The following GLIS3 variants were observed in gnomAD, a reference collection of about 807,000 sequenced individuals.
The protein encoded by GLIS3 is GLIS family zinc finger 3, also known as zinc finger protein GLIS3.
GLIS3 carries 53 observed loss-of-function variants against 78.6 expected under a neutral mutation model. That is an observed-to-expected ratio of 0.67 (90% CI 0.54 to 0.85). The LOEUF (loss-of-function observed/expected upper bound fraction) is 0.85, where lower values mean the gene tolerates loss of function less well. GLIS3 is among the 40% of genes least tolerant of loss of function. The pLI is 0.00. For synonymous variants in GLIS3, 684 were observed against 509.9 expected (o/e 1.34, Z -4.60); for missense variants, 1,703 against 1,231.1 (o/e 1.38, Z -5.74).
At chr9:4,268,505 C>A (rs976813277) in intron 2 of GLIS3, among the ~76,000 whole-genome samples, 1 of 152,070 alleles carries the variant, frequency 6.6e-6, no homozygotes, top group Non-Finnish European at 1.5e-5. Context: ...TGATATAGAG[C>A]GTTCTGAAAG....
intron 8 of GLIS3, among the ~76,000 whole-genome samples, chr9:3,864,653 T>C (rs1032281493): frequency 2.0e-5 from 3 of 152,258 alleles, no homozygotes; most frequent in Admixed American, 2.0e-4. Flanking sequence ...GTGCTGTTTA[T>C]AGTGCTTTTT....
At chr9:4,372,872 G>A in the GLIS3 span, among the ~76,000 whole-genome samples, 1 of 152,156 alleles carries the variant, frequency 6.6e-6, no homozygotes, top group African/African-American at 2.4e-5. Context: ...AGCAATGATA[G>A]GGACTCCACC....
At chr9:3,991,405 GC>G (rs1187668857) in intron 4 of GLIS3, among the ~76,000 whole-genome samples, 8 of 152,082 alleles carry the variant, frequency 5.3e-5, no homozygotes, top group Non-Finnish European at 1.0e-4. Flanking sequence ...ACAAGAGACA[GC>G]ATAAATAAAA....
chr9:3,897,995 G>A (rs535806626), intron 7 of GLIS3, among the ~76,000 whole-genome samples: 3 of 152,222 alleles, frequency 2.0e-5, no homozygotes, highest in African/African-American at 7.2e-5. Flanking sequence ...CATATGTAAG[G>A]ACAATCACTA....
At chr9:4,362,876 C>G in the GLIS3 span, among the ~76,000 whole-genome samples, 2 of 151,864 alleles carry the variant, frequency 1.3e-5, no homozygotes, top group Non-Finnish European at 2.9e-5. Context: ...TTCAAGGAGC[C>G]TGGATCAGAA....
chr9:4,295,886 G>C (rs1012037397), intron 1 of GLIS3, among the ~76,000 whole-genome samples: 1 of 152,082 alleles, frequency 6.6e-6, no homozygotes, highest in Non-Finnish European at 1.5e-5. Flanking sequence ...TCATTTCAAA[G>C]GTTTTGTTAT....
intron 4 of GLIS3, among the ~76,000 whole-genome samples, chr9:3,964,518 A>G (rs1281704038): frequency 6.6e-6 from 1 of 152,214 alleles, no homozygotes; most frequent in Non-Finnish European, 1.5e-5. Flanking sequence ...TTAATTAGTT[A>G]CTACATTTAA....
At chr9:4,369,280 C>G in the GLIS3 span, among the ~76,000 whole-genome samples, 48 of 152,148 alleles carry the variant, frequency 3.2e-4, no homozygotes, top group African/African-American at 1.1e-3. Context: ...GGGAAGCTTT[C>G]TAACCTAATT....
chr9:4,373,090 G>T, the GLIS3 span, among the ~76,000 whole-genome samples: 8 of 152,302 alleles, frequency 5.3e-5, no homozygotes, highest in African/African-American at 1.9e-4. Flanking sequence ...CCAGAAAAGT[G>T]GCTTCCCTGT....
intron 2 of GLIS3, among the ~76,000 whole-genome samples, chr9:4,151,346 C>G (rs904074818): frequency 1.3e-5 from 2 of 152,176 alleles, no homozygotes; most frequent in African/African-American, 4.8e-5. Context: ...TCTCCTCAAA[C>G]TATATGTTTT....
the GLIS3 span, among the ~76,000 whole-genome samples, chr9:4,477,736 C>G: frequency 3.3e-5 from 5 of 152,100 alleles, no homozygotes; most frequent in African/African-American, 1.2e-4. Context: ...TTAATGGGTT[C>G]AGAGTTTCAG....
chr9:4,483,723 G>GAAA, the GLIS3 span, among the ~76,000 whole-genome samples: 3 of 108,604 alleles, frequency 2.8e-5, no homozygotes, highest in African/African-American at 1.0e-4. Context: ...TTCGTCTTGG[G>GAAA]AAAAAAAAAA....
the GLIS3 span, among the ~76,000 whole-genome samples, chr9:4,428,200 C>T: frequency 6.6e-6 from 1 of 151,854 alleles, no homozygotes; most frequent in Admixed American, 6.6e-5. Flanking sequence ...ATAATAAGGC[C>T]AGGTGTGGTG....
the GLIS3 span, among the ~76,000 whole-genome samples, chr9:4,409,252 A>C: frequency 6.6e-6 from 1 of 152,108 alleles, no homozygotes; most frequent in South Asian, 2.1e-4. Context: ...CCTGGAATGA[A>C]CTCTTTTAAA....
At chr9:4,441,799 G>A in the GLIS3 span, among the ~76,000 whole-genome samples, 1 of 152,054 alleles carries the variant, frequency 6.6e-6, no homozygotes, top group African/African-American at 2.4e-5. Context: ...TAGAGACGAG[G>A]TTTTGCCATT....
intron 4 of GLIS3, among the ~76,000 whole-genome samples, chr9:4,110,965 C>T (rs1041574195): frequency 2.6e-5 from 4 of 152,154 alleles, no homozygotes; most frequent in South Asian, 2.1e-4. Context: ...AATGACAACA[C>T]GACCACTCAA....
At chr9:4,320,894 G>C (rs1228651077) in intron 2 of GLIS3, among the ~76,000 whole-genome samples, 1 of 152,074 alleles carries the variant, frequency 6.6e-6, no homozygotes, top group Admixed American at 6.5e-5. Context: ...AGGCAGGTAA[G>C]TTTTTTCAAA....
intron 2 of GLIS3, among the ~76,000 whole-genome samples, chr9:4,129,609 C>G (rs899593342): frequency 4.6e-5 from 7 of 152,202 alleles, no homozygotes; most frequent in Non-Finnish European, 8.8e-5. Context: ...CGCCTTCCAC[C>G]ATGATTGAAA....
At chr9:4,021,673 C>G (rs906189004) in intron 4 of GLIS3, among the ~76,000 whole-genome samples, 11 of 152,088 alleles carry the variant, frequency 7.2e-5, no homozygotes, top group Non-Finnish European at 1.3e-4. Flanking sequence ...AGGTTACTGC[C>G]ACCGTTCCTC....
Sources: gnomAD v4.1 joint callset for allele counts (sites outside exome capture counted in the v4.1 genomes callset) on GRCh38, gnomAD v4.1.1 for gene constraint, MANE v1.5 for transcripts, NCBI Gene and HGNC (gene_info 2026-07-23, HGNC 2026-07-21) for gene names.